The following BIRC6 variants were observed in gnomAD, a reference collection of about 807,000 sequenced individuals.
BIRC6 encodes the protein baculoviral IAP repeat containing 6.
Under a neutral mutation model 503.3 loss-of-function variants are expected in BIRC6, and 98 were observed. That is an observed-to-expected ratio of 0.19 (90% CI 0.17 to 0.23). BIRC6 has a LOEUF of 0.23. Ranked by LOEUF, BIRC6 falls within the 10% of genes least tolerant of loss-of-function variation. BIRC6 has a pLI of 1.00. For synonymous variants in BIRC6, 2,240 were observed against 2,078.7 expected, an observed-to-expected ratio of 1.08 and a Z score of -2.11; for missense variants, 5,360 against 5,806.0, an observed-to-expected ratio of 0.92 and a Z score of 2.50.
intron 1 of BIRC6, among the ~76,000 whole-genome samples, chr2:32,372,020 G>A (rs1002625719): frequency 1.4e-5 from 2 of 145,332 alleles, no homozygotes; most frequent in Non-Finnish European, 3.1e-5. Flanking sequence ...GGCCAGGCTG[G>A]TCTCGAACTC....
chr2:32,395,045 G>A (rs1044695988), intron 5 of BIRC6, among the ~76,000 whole-genome samples: 2 of 152,080 alleles, frequency 1.3e-5, no homozygotes, highest in Non-Finnish European at 2.9e-5. Context: ...CCAGCCACTC[G>A]GGAGGCTGAG....
intron 59 of BIRC6, chr2:32,527,517 A>G (rs989643127): frequency 2.0e-5 from 3 of 152,252 alleles, no homozygotes; most frequent in South Asian, 2.1e-4. Context: ...AAAGGAGTTT[A>G]GTATAAAGAA....
intron 45 of BIRC6, among the ~76,000 whole-genome samples, chr2:32,494,450 T>G (rs1235714824): frequency 1.3e-5 from 2 of 151,422 alleles, no homozygotes; most frequent in African/African-American, 4.8e-5. Context: ...GTGGTCTCGA[T>G]CTCCTGACCT....
intron 72 of BIRC6, among the ~76,000 whole-genome samples, chr2:32,611,169 G>A (rs1046770894): frequency 4.0e-5 from 6 of 150,514 alleles, no homozygotes; most frequent in Admixed American, 6.9e-5. Context: ...GCAGTGGCGC[G>A]ACCTTGGCTC....
chr2:32,529,016 A>G (rs1372103486), intron 59 of BIRC6: 1 of 152,336 alleles, frequency 6.6e-6, no homozygotes, highest in East Asian at 1.9e-4. Flanking sequence ...AGGGATACCC[A>G]TCCTCTATTT....
In BIRC6 at chr2:32,479,534, C is replaced by G. The variant is rs371272648; in HGVS notation, c.7325C>G (p.Ala2442Gly). Residue 2442 changes from alanine (A) to glycine (G), a missense_variant, in exon 37 of 74, where the codon GCT becomes GGT. Transcript: ENST00000421745. ...GTGGGTGATGATGTAGGTGCGACAGCTGGTGACTCTGATGACTCCCTTCAA... is the reference window on the plus strand; with the variant it reads ...GTGGGTGATGATGTAGGTGCGACAGGTGGTGACTCTGATGACTCCCTTCAA... The part of the protein sequence containing the change: ...GTVGDDVGAT[A>G]GDSDDSLQQS... 6.2e-7 allele frequency: 1 copy of G among 1,606,656 alleles called. No homozygotes were observed. Among genetic ancestry groups the G allele is most frequent in the Non-Finnish European group, 8.5e-7 (1 of 1,176,272 alleles).
At chr2:32,501,936 C>T (rs370514027) in intron 47 of BIRC6, 48 bp downstream of exon 47, 20 of 1,492,866 alleles carry the variant, frequency 1.3e-5, no homozygotes, top group East Asian at 2.3e-5. Context: ...AAATTTATTG[C>T]GATGTAAGTG....
intron 46 of BIRC6, 124 bp from the exon 47 acceptor site, chr2:32,501,589 T>C: frequency 1.4e-6 from 1 of 697,416 alleles, no homozygotes; most frequent in Non-Finnish European, 2.3e-6. Context: ...CAGGCTGGTT[T>C]TGAACTCCTG....
chr2:32,384,481 T>C (rs2038157218), intron 3 of BIRC6, among the ~76,000 whole-genome samples: 1 of 152,046 alleles, frequency 6.6e-6, no homozygotes, highest in Admixed American at 6.5e-5. Flanking sequence ...CTATATAATA[T>C]TACGGCAGAA....
At chr2:32,548,923 G>A (rs546740099) in intron 64 of BIRC6, 4 of 155,024 alleles carry the variant, frequency 2.6e-5, no homozygotes, top group East Asian at 1.9e-4. Flanking sequence ...ATTGAAGTTC[G>A]TCAGTGCTTT....
rs573852016 is a variant in BIRC6 at position 32,541,725 on chromosome 2, C to T, written c.12292-1516C>T. On this transcript the variant is annotated intron_variant, in intron 61 of 73. Transcript: ENST00000421745. The stretch of plus-strand genomic sequence containing the variant: ...AAGATAAGTAGAGTATTTCTAAATG[C>T]AATGAGAAGTTTGTAGGGCAACCAT... Among the ~76,000 whole-genome samples, 6 of 152,204 alleles carry T rather than the reference C, an allele frequency of 3.9e-5. No homozygotes were observed. The South Asian group carries it at 1.2e-3, about 32-fold the overall frequency.
At position 32,501,933 on chromosome 2, in the gene BIRC6, TTGCGATG is replaced by T. The variant is rs544172804; in HGVS notation, c.9207+47_9207+53del. 1.3e-3 allele frequency: 2,019 copies of T among 1,521,646 alleles called. 3 individuals are homozygous for T. The highest frequency in any genetic ancestry group is 1.8e-3 in the Admixed American group (85 of 46,748). 94.3% of individuals were successfully genotyped at this position (1,521,646 alleles called of 1,614,324 possible). ...AGTTGCAGTGATTCAAATAAATTTA[TTGCGATG>T]TAAGTGGAAAATTACAGGACAAAGA... is the stretch of plus-strand genomic sequence containing the variant. On this transcript the variant is annotated intron_variant, in intron 47 of 73. Transcript: ENST00000421745.
chr2:32,453,682 C>T, intron 22 of BIRC6, 126 bp from the exon 23 acceptor site: 2 of 860,616 alleles, frequency 2.3e-6, no homozygotes, highest in Non-Finnish European at 3.6e-6. Flanking sequence ...ATGATTCAAG[C>T]ACTGTGTAAG....
At chr2:32,507,326 A>C (rs577944157) in intron 50 of BIRC6, among the ~76,000 whole-genome samples, 145 of 152,280 alleles carry the variant, frequency 9.5e-4, no homozygotes, top group East Asian at 5.4e-3. Context: ...ACTACTCTGG[A>C]GGCTACGGCA....
At chr2:32,431,456 G>C (rs1345252490) in intron 12 of BIRC6, among the ~76,000 whole-genome samples, 1 of 151,966 alleles carries the variant, frequency 6.6e-6, no homozygotes, top group Non-Finnish European at 1.5e-5. Flanking sequence ...TCGGCCTCCC[G>C]AAGTGCTGGG....
chr2:32,465,041 A>G (rs187901351), intron 25 of BIRC6, 24 bp from the exon 26 acceptor site: 5 of 1,103,006 alleles, frequency 4.5e-6, no homozygotes, highest in Non-Finnish European at 6.3e-6. Context: ...ATAAAGTTAG[A>G]TTTTTTTTTT....
At chr2:32,461,343 A>AGT (rs373274536) in intron 23 of BIRC6, among the ~76,000 whole-genome samples, 20,038 of 131,982 alleles carry the variant, frequency 0.15, 1,504 homozygotes, top group African/African-American at 0.19. Context: ...ATGCCTGGCT[A>AGT]GTGTGTGTGT....
intron 61 of BIRC6, chr2:32,532,011 CA>C: frequency 2.2e-6 from 1 of 459,098 alleles, no homozygotes; most frequent in Non-Finnish European, 4.3e-6. Flanking sequence ...ACGAAGCTGT[CA>C]ATGTCTGTGC....
At chr2:32,386,515 C>T (rs1268833871) in intron 3 of BIRC6, among the ~76,000 whole-genome samples, 1 of 150,032 alleles carries the variant, frequency 6.7e-6, no homozygotes, top group Non-Finnish European at 1.5e-5. Flanking sequence ...GTGATTTTGG[C>T]TTACTGTAGC....
Sources: allele counts gnomAD v4.1 joint callset (sites outside exome capture counted in the v4.1 genomes callset), GRCh38; gene constraint gnomAD v4.1.1; transcripts MANE v1.5; gene names NCBI Gene and HGNC (gene_info 2026-07-23, HGNC 2026-07-21).